Variants in PFKFB3 observed in about 807,000 individuals in gnomAD.
PFKFB3 encodes the protein 6-phosphofructo-2-kinase/fructose-2,6-bisphosphatase 3.
A neutral mutation model predicts 68.0 loss-of-function variants in PFKFB3; 33 were observed. The ratio of observed to expected loss-of-function variants is 0.49; its 90% confidence interval spans 0.37 to 0.65. The LOEUF is 0.65. PFKFB3 is among the 30% of genes least tolerant of loss of function. PFKFB3 has a pLI of 0.00. For synonymous variants in PFKFB3, 315 were observed against 288.2 expected (o/e 1.09, Z -0.94); for missense variants, 586 against 712.2 (o/e 0.82, Z 2.02).
chr10:6,253,317 A>G (rs905678034), intron 14 of PFKFB3, among the ~76,000 whole-genome samples: 1 of 152,212 alleles, frequency 6.6e-6, no homozygotes, highest in Admixed American at 6.5e-5. Context: ...CTTGACTGTT[A>G]GTCTTCTTCC....
chr10:6,263,613 G>A, the PFKFB3 span, among the ~76,000 whole-genome samples: 1 of 152,228 alleles, frequency 6.6e-6, no homozygotes, highest in Non-Finnish European at 1.5e-5. Context: ...GAAATGAAGA[G>A]TCCTGGCCCC....
intron 14 of PFKFB3, among the ~76,000 whole-genome samples, chr10:6,254,009 A>G (rs1846441312): frequency 6.6e-6 from 1 of 151,112 alleles, no homozygotes; most frequent in Non-Finnish European, 1.5e-5. Context: ...GTACCACTGC[A>G]CTCCAGCCTG....
At chr10:6,254,844 A>C (rs1307351717), downstream of PFKFB3, among the ~76,000 whole-genome samples, 4 of 125,214 alleles carry the variant, frequency 3.2e-5, no homozygotes, top group East Asian at 6.8e-4. Context: ...TTGAGAAAGA[A>C]TCTCGCTCTG....
In PFKFB3 at chr10:6,215,995, C is replaced by G; in HGVS notation, c.300-130C>G. ...CTGGGCCTGAGGGGTGCTGGCCAGC[C>G]TGCCCAGCGCTAAGCAGTGTAGAAT... On this transcript the variant is annotated intron_variant, in intron 3 of 14. Coordinates refer to ENST00000379775, the MANE Select transcript of PFKFB3 (RefSeq NM_004566.4). This position sits in a 1 kb window ranked among gnomAD's most constrained non-coding sequence, Gnocchi z 4.3. The G allele has an allele frequency of 3.3e-6, 3 of 899,776 alleles. No homozygotes were observed. The highest frequency in any genetic ancestry group is 1.4e-5 in the South Asian group (1 of 71,216). 55.7% of individuals were successfully genotyped at this position (899,776 alleles called of 1,614,324 possible).
intron 1 of PFKFB3, among the ~76,000 whole-genome samples, chr10:6,177,415 C>CTTCTTTCTTTCTT (rs1311907121): frequency 5.0e-5 from 2 of 39,752 alleles, no homozygotes; most frequent in Non-Finnish European, 1.2e-4. Flanking sequence ...TTTCTTCTTT[C>CTTCTTTCTTTCTT]TCTTTCTTCC....
At chr10:6,161,688 A>G (rs1463920516) in intron 1 of PFKFB3, among the ~76,000 whole-genome samples, 1 of 151,798 alleles carries the variant, frequency 6.6e-6, no homozygotes, top group Non-Finnish European at 1.5e-5. Flanking sequence ...GCTGGAGTGC[A>G]GTGGTGCCAT....
chr10:6,223,015 G>A, intron 11 of PFKFB3, 31 bp downstream of exon 11: 4 of 1,602,942 alleles, frequency 2.5e-6, no homozygotes, highest in Non-Finnish European at 3.4e-6. Context: ...CCCCGGGATG[G>A]AGGGAGGAGG....
chr10:6,145,523 G>A (rs1377086255), intron 1 of PFKFB3, among the ~76,000 whole-genome samples: 1 of 152,158 alleles, frequency 6.6e-6, no homozygotes, highest in African/African-American at 2.4e-5. Flanking sequence ...GAGGGCGGCG[G>A]GGCCCGGGGT....
chr10:6,269,955 A>AC, the PFKFB3 span, among the ~76,000 whole-genome samples: 18 of 151,264 alleles, frequency 1.2e-4, no homozygotes, highest in Middle Eastern at 3.4e-3. Context: ...ACATGGTGAG[A>AC]CCCCCCTCTC....
intron 1 of PFKFB3, among the ~76,000 whole-genome samples, chr10:6,147,944 A>G (rs1218875467): frequency 6.6e-6 from 1 of 152,224 alleles, no homozygotes; most frequent in Admixed American, 6.5e-5. Flanking sequence ...AAGCAACCAA[A>G]GATCTTAGGT....
At position 6,149,159 on chromosome 10, in the gene PFKFB3, G is replaced by A. The variant is rs145173610; in HGVS notation, c.16+4146G>A. 3.7e-4 allele frequency among the ~76,000 whole-genome samples: 57 copies of A among 152,340 alleles called. No individual in the cohort carries two copies. In the East Asian group the frequency reaches 0.01, roughly 28 times the overall value. On this transcript the variant is annotated intron_variant, in intron 1 of 14. Transcript: ENST00000379789. ...GGAGGCGTGGCTCTAAGAGACTGTG[G>A]TCTTGAATAAATCGTTGAGGTCCTT...
intron 4 of PFKFB3, among the ~76,000 whole-genome samples, 177 bp from the exon 5 acceptor site, chr10:6,216,529 C>G (rs575126516): frequency 6.6e-6 from 1 of 152,166 alleles, no homozygotes; most frequent in Non-Finnish European, 1.5e-5. Flanking sequence ...TTGGTAGTTG[C>G]GGGAGGCCTG....
chr10:6,257,870 A>G (rs1846506242), downstream of PFKFB3, among the ~76,000 whole-genome samples: 1 of 152,122 alleles, frequency 6.6e-6, no homozygotes, highest in African/African-American at 2.4e-5. Flanking sequence ...TGGAGTGTAG[A>G]TTACACCCAC....
chr10:6,274,592 ACC>A, the PFKFB3 span, among the ~76,000 whole-genome samples: 1 of 152,226 alleles, frequency 6.6e-6, no homozygotes, highest in East Asian at 1.9e-4. Context: ...CATGCCTGTA[ACC>A]CCAGCACTTT....
intron 1 of PFKFB3, among the ~76,000 whole-genome samples, chr10:6,149,042 G>A (rs1169491233): frequency 6.6e-6 from 1 of 152,154 alleles, no homozygotes; most frequent in Non-Finnish European, 1.5e-5. Context: ...TCACACCACT[G>A]CACTCCAGCC....
the PFKFB3 span, among the ~76,000 whole-genome samples, chr10:6,326,108 A>T: frequency 6.6e-6 from 1 of 152,334 alleles, no homozygotes; most frequent in East Asian, 1.9e-4. Flanking sequence ...GTTGTGAAAT[A>T]AAGAATGAAC....
intron 7 of PFKFB3, among the ~76,000 whole-genome samples, chr10:6,219,905 C>T (rs767409892): frequency 2.6e-5 from 4 of 151,842 alleles, no homozygotes; most frequent in Non-Finnish European, 4.4e-5. Flanking sequence ...ATACCTTTAT[C>T]AACTCTCTTT....
chr10:6,292,275 T>C, the PFKFB3 span, among the ~76,000 whole-genome samples: 1 of 129,454 alleles, frequency 7.7e-6, no homozygotes, highest in Admixed American at 8.6e-5. Flanking sequence ...ACTTTTTTTT[T>C]TTCTTTTTTT....
chr10:6,146,493 C>A, intron 1 of PFKFB3: 1 of 1,535,252 alleles, frequency 6.5e-7, no homozygotes. Flanking sequence ...CTCCATTAAT[C>A]CAGGTATGAT....
Sources: allele counts gnomAD v4.1 joint callset (sites outside exome capture counted in the v4.1 genomes callset), GRCh38; gene constraint gnomAD v4.1.1; non-coding constraint Gnocchi (gnomAD v3.1); transcripts MANE v1.5; gene names NCBI Gene and HGNC (gene_info 2026-07-23, HGNC 2026-07-21).